SPMIP2: variants seen among roughly 807,000 people sequenced by gnomAD.
SPMIP2 encodes the protein sperm microtubule inner protein 2.
At chr4:158,939,150 T>C in the SPMIP2 span, among the ~76,000 whole-genome samples, 1 of 152,210 alleles carries the variant, frequency 6.6e-6, no homozygotes, top group Admixed American at 6.5e-5. Flanking sequence ...TCGGTAGCAA[T>C]TGGAGTGAAG....
the SPMIP2 span, among the ~76,000 whole-genome samples, chr4:158,943,506 T>C: frequency 6.6e-6 from 1 of 152,216 alleles, no homozygotes; most frequent in African/African-American, 2.4e-5. Context: ...CAAGACTTCA[T>C]AGACCACTGA....
At chr4:158,919,701 T>A in the SPMIP2 span, among the ~76,000 whole-genome samples, 3 of 152,254 alleles carry the variant, frequency 2.0e-5, no homozygotes, top group Non-Finnish European at 4.4e-5. Context: ...TAAATCCACT[T>A]ATTTCATTAT....
chr4:158,969,682 C>T, the SPMIP2 span, among the ~76,000 whole-genome samples: 1 of 152,258 alleles, frequency 6.6e-6, no homozygotes, highest in Non-Finnish European at 1.5e-5. Flanking sequence ...AGAAACCATT[C>T]CCAGGTAGGA....
chr4:159,053,410 A>G, the SPMIP2 span, among the ~76,000 whole-genome samples: 2 of 152,162 alleles, frequency 1.3e-5, no homozygotes, highest in Admixed American at 6.5e-5. Context: ...TGAGTTACAA[A>G]TGCACCTAGG....
chr4:158,919,315 T>A, the SPMIP2 span, among the ~76,000 whole-genome samples: 12 of 152,330 alleles, frequency 7.9e-5, no homozygotes, highest in Admixed American at 4.6e-4. Context: ...AAGAATCCAG[T>A]TCAGAATCAC....
the SPMIP2 span, among the ~76,000 whole-genome samples, chr4:159,003,455 A>G: frequency 3.3e-5 from 5 of 152,204 alleles, no homozygotes; most frequent in Admixed American, 3.3e-4. Flanking sequence ...CACATAATAG[A>G]TGCCTGATGA....
the SPMIP2 span, among the ~76,000 whole-genome samples, chr4:159,059,655 G>A: frequency 1.6e-4 from 24 of 152,300 alleles, no homozygotes; most frequent in African/African-American, 4.8e-4. Flanking sequence ...TTACAGGTGT[G>A]AGCCACCACA....
the SPMIP2 span, among the ~76,000 whole-genome samples, chr4:158,959,263 T>C: frequency 2.0e-5 from 3 of 152,244 alleles, no homozygotes; most frequent in African/African-American, 7.2e-5. Flanking sequence ...TTAATGTTTT[T>C]CTTTGCTTGG....
At chr4:158,905,463 A>G in the SPMIP2 span, 4 of 152,308 alleles carry the variant, frequency 2.6e-5, no homozygotes, top group African/African-American at 4.8e-5. Flanking sequence ...ACAAATGACT[A>G]TTTTTACTTT....
At chr4:158,903,115 G>A in the SPMIP2 span, among the ~76,000 whole-genome samples, 1 of 152,186 alleles carries the variant, frequency 6.6e-6, no homozygotes, top group South Asian at 2.1e-4. Flanking sequence ...CCCTGATTGT[G>A]TACACACCAA....
At chr4:158,972,964 CT>C in the SPMIP2 span, 2 of 706,256 alleles carry the variant, frequency 2.8e-6, no homozygotes, top group Non-Finnish European at 4.6e-6. Context: ...AAACTCAAAC[CT>C]CATTATGTCT....
At chr4:158,975,953 C>T in the SPMIP2 span, among the ~76,000 whole-genome samples, 4 of 152,096 alleles carry the variant, frequency 2.6e-5, no homozygotes, top group African/African-American at 9.7e-5. Context: ...TTTCCATTTG[C>T]TTGTGTCCTC....
At chr4:158,954,770 T>C in the SPMIP2 span, among the ~76,000 whole-genome samples, 3 of 152,206 alleles carry the variant, frequency 2.0e-5, no homozygotes, top group Admixed American at 6.5e-5. Flanking sequence ...TTAGCCTTCA[T>C]ATTATTTATT....
chr4:158,964,174 AAAC>A, the SPMIP2 span, among the ~76,000 whole-genome samples: 6 of 69,096 alleles, frequency 8.7e-5, 1 homozygote, highest in East Asian at 3.0e-3. Flanking sequence ...AAACAAAACA[AAAC>A]AAAACAAAAC....
At chr4:158,955,173 A>T in the SPMIP2 span, among the ~76,000 whole-genome samples, 14 of 152,190 alleles carry the variant, frequency 9.2e-5, no homozygotes, top group Admixed American at 9.2e-4. Flanking sequence ...CACAACAAAA[A>T]TGAGTTAACC....
At chr4:158,993,663 G>A in the SPMIP2 span, among the ~76,000 whole-genome samples, 1 of 151,940 alleles carries the variant, frequency 6.6e-6, no homozygotes, top group Non-Finnish European at 1.5e-5. Context: ...AAAAACAAAG[G>A]CCGCTGCCTT....
At chr4:158,993,207 A>AT in the SPMIP2 span, among the ~76,000 whole-genome samples, 1 of 151,908 alleles carries the variant, frequency 6.6e-6, no homozygotes, top group South Asian at 2.1e-4. Flanking sequence ...CAAAAAAAAA[A>AT]TTTTTTTAAT....
At chr4:159,030,601 A>G in the SPMIP2 span, among the ~76,000 whole-genome samples, 1 of 151,792 alleles carries the variant, frequency 6.6e-6, no homozygotes, top group Non-Finnish European at 1.5e-5. Context: ...AGTTCAAGCA[A>G]TTCTCATGCC....
At chr4:159,049,047 TATTACCA>T in the SPMIP2 span, among the ~76,000 whole-genome samples, 1 of 152,132 alleles carries the variant, frequency 6.6e-6, no homozygotes, top group East Asian at 1.9e-4. Flanking sequence ...ATTTATTAAA[TATTACCA>T]ATTCTGATTT....
Sources: gnomAD v4.1 joint callset for allele counts (sites outside exome capture counted in the v4.1 genomes callset) on GRCh38, gnomAD v4.1.1 for gene constraint, MANE v1.5 for transcripts, NCBI Gene and HGNC (gene_info 2026-07-23, HGNC 2026-07-21) for gene names.